Variants in NCAM2 observed in about 807,000 individuals in gnomAD.
NCAM2 encodes neural cell adhesion molecule 2.
A neutral mutation model predicts 98.1 loss-of-function variants in NCAM2; 30 were observed. The ratio of observed to expected loss-of-function variants is 0.31; its 90% CI spans 0.23 to 0.41. The LOEUF (loss-of-function observed/expected upper bound fraction) is 0.41, where lower values mean the gene tolerates loss of function less well. Among genes scored for constraint, NCAM2 ranks in the 10% least tolerant of loss-of-function variants. NCAM2 has a pLI of 1.00. For synonymous variants in NCAM2, 368 were observed against 342.4 expected (o/e 1.07, Z -0.83); for missense variants, 867 against 1,005.8 (o/e 0.86, Z 1.87).
At chr21:21,126,440 A>G (rs2066826956) in intron 1 of NCAM2, among the ~76,000 whole-genome samples, 1 of 151,806 alleles carries the variant, frequency 6.6e-6, no homozygotes. Context: ...GATAGAGAAA[A>G]TGTCTTCTAA....
chr21:21,093,221 A>AAT (rs2066049496), intron 1 of NCAM2, among the ~76,000 whole-genome samples: 1 of 152,068 alleles, frequency 6.6e-6, no homozygotes, highest in Admixed American at 6.6e-5. Flanking sequence ...TCCTGTGTGG[A>AAT]GACGTCTTTT....
chr21:21,011,001 T>G (rs904280466), intron 1 of NCAM2, among the ~76,000 whole-genome samples: 1 of 152,100 alleles, frequency 6.6e-6, no homozygotes, highest in Non-Finnish European at 1.5e-5. Context: ...GGATAAAATC[T>G]AATATAGTTT....
chr21:21,388,190 A>C (rs555329867), intron 9 of NCAM2, among the ~76,000 whole-genome samples: 1 of 152,368 alleles, frequency 6.6e-6, no homozygotes, highest in African/African-American at 2.4e-5. Flanking sequence ...GTGTTTGTTC[A>C]CATCACATCC....
intron 16 of NCAM2, among the ~76,000 whole-genome samples, chr21:21,510,736 T>G (rs1190867597): frequency 1.3e-5 from 1 of 74,302 alleles, no homozygotes; most frequent in Non-Finnish European, 2.6e-5. Context: ...TATATATCAT[T>G]TTTTACATAT....
chr21:21,197,420 G>A (rs771082084), intron 1 of NCAM2, among the ~76,000 whole-genome samples: 9 of 152,146 alleles, frequency 5.9e-5, no homozygotes, highest in Non-Finnish European at 1.0e-4. Flanking sequence ...GTGAGCCACC[G>A]TGCCCAGCCC....
chr21:21,442,761 G>C (rs186432348), intron 12 of NCAM2, among the ~76,000 whole-genome samples: 2 of 152,118 alleles, frequency 1.3e-5, no homozygotes, highest in Admixed American at 6.6e-5. Context: ...ATATAATAAT[G>C]AGTTACCTAA....
intron 12 of NCAM2, among the ~76,000 whole-genome samples, chr21:21,463,473 T>A (rs1367711536): frequency 6.6e-6 from 1 of 152,166 alleles, no homozygotes; most frequent in Non-Finnish European, 1.5e-5. Flanking sequence ...ATTTTATACC[T>A]CTTCCCTATA....
chr21:21,134,961 G>A (rs543962937), intron 1 of NCAM2, among the ~76,000 whole-genome samples: 104 of 151,948 alleles, frequency 6.8e-4, no homozygotes, highest in African/African-American at 2.3e-3. Context: ...CTCGCTGGGC[G>A]CGGCGGCTCA....
chr21:21,209,603 A>C lies in NCAM2; in HGVS notation c.56-70975A>C, dbSNP rs149850600. ...CAGGGAGACTTGCAGCTAGTCATGG[A>C]AGTGGGTCCATCAACAAAGGTATAG... On this transcript the variant is annotated intron_variant, in intron 1 of 17. Transcript: ENST00000400546. Among the ~76,000 whole-genome samples, 140 of 152,246 alleles carry C rather than the reference A, an allele frequency of 9.2e-4. 1 individual carries two copies. The highest frequency in any genetic ancestry group is 3.3e-3 in the African/African-American group (138 of 41,556).
chr21:21,527,044 T>C (rs1302864060), intron 16 of NCAM2, among the ~76,000 whole-genome samples: 6 of 151,848 alleles, frequency 4.0e-5, no homozygotes, highest in Admixed American at 3.3e-4. Context: ...TGGCAGATAA[T>C]CTAGATGACC....
intron 1 of NCAM2, among the ~76,000 whole-genome samples, chr21:21,255,481 T>A (rs1601779950): frequency 6.6e-6 from 1 of 152,234 alleles, no homozygotes; most frequent in East Asian, 1.9e-4. Flanking sequence ...TTATACTGTA[T>A]CCTTTAGCTG....
chr21:21,419,866 G>T (rs1217013643), intron 11 of NCAM2, among the ~76,000 whole-genome samples: 1 of 151,950 alleles, frequency 6.6e-6, no homozygotes, highest in Admixed American at 6.6e-5. Context: ...AATCCTTTGG[G>T]TATATACCCA....
chr21:21,448,193 A>G (rs906330665), intron 12 of NCAM2, among the ~76,000 whole-genome samples: 7 of 152,180 alleles, frequency 4.6e-5, no homozygotes, highest in Non-Finnish European at 7.3e-5. Flanking sequence ...GTACATAAAC[A>G]CCATGGAATA....
chr21:21,478,337 C>T (rs997323201), intron 15 of NCAM2, among the ~76,000 whole-genome samples: 17 of 151,794 alleles, frequency 1.1e-4, no homozygotes, highest in Non-Finnish European at 1.8e-4. Context: ...CAGAAAAGAA[C>T]AGCATATTAA....
chr21:21,026,182 A>G (rs2064541848), intron 1 of NCAM2, among the ~76,000 whole-genome samples: 2 of 152,216 alleles, frequency 1.3e-5, no homozygotes, highest in Non-Finnish European at 2.9e-5. Context: ...AGCCGGGCTC[A>G]GCATCTTCTA....
At chr21:21,157,602 T>C (rs2067654586) in intron 1 of NCAM2, among the ~76,000 whole-genome samples, 1 of 152,156 alleles carries the variant, frequency 6.6e-6, no homozygotes, top group South Asian at 2.1e-4. Flanking sequence ...CACTTTGTAA[T>C]GTGTTCCCTC....
intron 12 of NCAM2, among the ~76,000 whole-genome samples, chr21:21,452,930 TA>T (rs1301638560): frequency 4.3e-3 from 425 of 97,864 alleles, no homozygotes; most frequent in Admixed American, 6.8e-3. Context: ...TATTATATAA[TA>T]TATATAATAT....
chr21:21,279,668 G>A (rs2072860039), intron 1 of NCAM2, among the ~76,000 whole-genome samples: 1 of 151,712 alleles, frequency 6.6e-6, no homozygotes, highest in South Asian at 2.1e-4. Flanking sequence ...ATCACAGCCT[G>A]TTGTTCTGGG....
intron 1 of NCAM2, among the ~76,000 whole-genome samples, chr21:21,082,442 G>A (rs187847870): frequency 7.9e-5 from 12 of 151,800 alleles, no homozygotes; most frequent in Admixed American, 4.6e-4. Context: ...GTCCTGTTTC[G>A]TAGACTAAAT....
Sources: gnomAD v4.1 joint callset for allele counts (sites outside exome capture counted in the v4.1 genomes callset) on GRCh38, gnomAD v4.1.1 for gene constraint, MANE v1.5 for transcripts, NCBI Gene and HGNC (gene_info 2026-07-23, HGNC 2026-07-21) for gene names.